The following RTL4 variants were observed in gnomAD, a reference collection of about 807,000 sequenced individuals.
RTL4 encodes the protein retrotransposon Gag like 4.
In RTL4, 4 loss-of-function variants were observed where a neutral mutation model predicts 5.3. That is an observed-to-expected ratio of 0.75 (90% CI 0.37 to 1.72). The LOEUF is 1.72. RTL4 is among the 40% of genes most tolerant of loss of function. The probability of loss-of-function intolerance (pLI) is 0.04; values close to 1 mark genes in which losing one functional copy is unlikely to be tolerated. For missense variants in RTL4, 260 were observed against 227.1 expected, an observed-to-expected ratio of 1.14 and a Z score of -0.93; for synonymous variants, 98 against 87.3, an observed-to-expected ratio of 1.12 and a Z score of -0.68.
chrX:112,201,495 AAGTGCCTTCATTCATGGTTAT>A, the RTL4 span, among the ~76,000 whole-genome samples: 1 of 111,301 alleles, frequency 9.0e-6, no homozygotes, highest in Non-Finnish European at 1.9e-5. Flanking sequence ...TTAAGAGAGT[AAGTGCCTTCATTCATGGTTAT>A]AGTGCACTTG....
the RTL4 span, among the ~76,000 whole-genome samples, chrX:112,197,597 A>G: frequency 9.0e-6 from 1 of 111,527 alleles, no homozygotes; most frequent in South Asian, 3.8e-4. Context: ...GAGAGAGACA[A>G]AGCTTTTGGA....
At chrX:112,388,033 T>G in the RTL4 span, among the ~76,000 whole-genome samples, 1 of 112,492 alleles carries the variant, frequency 8.9e-6, no homozygotes, top group Non-Finnish European at 1.9e-5. Flanking sequence ...TTAATAATAT[T>G]GATTCTTCCT....
chrX:112,447,807 G>T, the RTL4 span, among the ~76,000 whole-genome samples: 21 of 111,971 alleles, frequency 1.9e-4, no homozygotes, highest in South Asian at 3.8e-3. Flanking sequence ...TTCACTCATA[G>T]TCAAGACTTA....
chrX:112,108,668 G>T, the RTL4 span, among the ~76,000 whole-genome samples: 1 of 111,667 alleles, frequency 9.0e-6, no homozygotes, highest in Non-Finnish European at 1.9e-5. Flanking sequence ...CTGTCCACTG[G>T]GGCAGTACTG....
the RTL4 span, among the ~76,000 whole-genome samples, chrX:112,229,118 T>C: frequency 5.4e-5 from 6 of 112,082 alleles, no homozygotes; most frequent in Non-Finnish European, 9.4e-5. Context: ...TCTACTCCTA[T>C]CCAGTCTCAT....
At chrX:112,407,994 C>A in the RTL4 span, among the ~76,000 whole-genome samples, 1 of 112,141 alleles carries the variant, frequency 8.9e-6, no homozygotes, top group African/African-American at 3.2e-5. Context: ...CACCAAAGTC[C>A]TTTTGAATTT....
At chrX:112,254,283 G>A in the RTL4 span, among the ~76,000 whole-genome samples, 17 of 110,702 alleles carry the variant, frequency 1.5e-4, no homozygotes, top group Non-Finnish European at 3.0e-4. Flanking sequence ...CATAGTCTTC[G>A]GTGTCAGACG....
the RTL4 span, among the ~76,000 whole-genome samples, chrX:112,154,932 G>T: frequency 1.3e-3 from 147 of 111,095 alleles, no homozygotes; most frequent in African/African-American, 4.6e-3. Context: ...CATCATTAGT[G>T]GGATTTAGAC....
At chrX:112,416,616 C>T in the RTL4 span, among the ~76,000 whole-genome samples, 3 of 111,559 alleles carry the variant, frequency 2.7e-5, no homozygotes, top group South Asian at 7.6e-4. Context: ...CTTGCATTCT[C>T]GTGTACAATG....
chrX:112,225,323 G>C, the RTL4 span, among the ~76,000 whole-genome samples: 2 of 112,019 alleles, frequency 1.8e-5, no homozygotes, highest in Non-Finnish European at 3.8e-5. Context: ...GATTTGGAGA[G>C]GAGGATGGCT....
At chrX:112,391,155 ATG>A in the RTL4 span, among the ~76,000 whole-genome samples, 390 of 112,004 alleles carry the variant, frequency 3.5e-3, 1 homozygote, top group Non-Finnish European at 5.8e-3. Flanking sequence ...TGTTTTTCAG[ATG>A]TCTCAGATTC....
At chrX:112,127,379 A>G in the RTL4 span, among the ~76,000 whole-genome samples, 1 of 111,101 alleles carries the variant, frequency 9.0e-6, no homozygotes, top group African/African-American at 3.3e-5. Context: ...ACAACCATTC[A>G]TGATTCCAAA....
chrX:112,141,567 A>G, the RTL4 span, among the ~76,000 whole-genome samples: 2 of 111,312 alleles, frequency 1.8e-5, no homozygotes, highest in Non-Finnish European at 3.8e-5. Context: ...TGTCCCCTCT[A>G]ATTCTGCTTT....
At chrX:112,331,331 T>A in the RTL4 span, among the ~76,000 whole-genome samples, 1 of 105,108 alleles carries the variant, frequency 9.5e-6, no homozygotes, top group Non-Finnish European at 2.0e-5. Context: ...AACAACCCCA[T>A]CAAAAAGTGG....
the RTL4 span, among the ~76,000 whole-genome samples, chrX:112,422,419 A>C: frequency 1.8e-5 from 2 of 111,040 alleles, no homozygotes; most frequent in African/African-American, 6.5e-5. Context: ...AACAGGGATT[A>C]TTTGCAAGCT....
chrX:112,261,637 A>C, the RTL4 span, among the ~76,000 whole-genome samples: 1 of 111,813 alleles, frequency 8.9e-6, no homozygotes, highest in African/African-American at 3.3e-5. Context: ...TTATAGATTC[A>C]GTGCCATCCC....
chrX:112,155,106 G>A, the RTL4 span, among the ~76,000 whole-genome samples: 18 of 110,376 alleles, frequency 1.6e-4, no homozygotes, highest in Admixed American at 1.1e-3. Flanking sequence ...AAATCTGTTG[G>A]TGCCTCGATC....
chrX:112,313,839 G>T, the RTL4 span, among the ~76,000 whole-genome samples: 1 of 110,567 alleles, frequency 9.0e-6, no homozygotes, highest in Non-Finnish European at 1.9e-5. Context: ...TCATAAAGAT[G>T]GATGTCAAAA....
At chrX:112,322,125 C>T in the RTL4 span, among the ~76,000 whole-genome samples, 2 of 111,269 alleles carry the variant, frequency 1.8e-5, no homozygotes, top group Non-Finnish European at 3.8e-5. Context: ...TTTAGTAAAG[C>T]AACAAAAAGT....
Sources: gnomAD v4.1 joint callset for allele counts (sites outside exome capture counted in the v4.1 genomes callset) on GRCh38, gnomAD v4.1.1 for gene constraint, MANE v1.5 for transcripts, NCBI Gene and HGNC (gene_info 2026-07-23, HGNC 2026-07-21) for gene names.